The following WDR33 variants were observed in gnomAD, a reference collection of about 807,000 sequenced individuals.
The protein encoded by WDR33 is WD repeat domain 33, also known as pre-mRNA 3' end processing protein WDR33.
In WDR33, 47 loss-of-function variants were observed where a neutral mutation model predicts 164.9. That is an observed-to-expected ratio of 0.29 (90% CI 0.23 to 0.36). The LOEUF is 0.36. Among genes scored for constraint, WDR33 ranks in the 10% least tolerant of loss-of-function variants. WDR33 has a pLI of 1.00. For synonymous variants in WDR33, 505 were observed against 589.0 expected, an observed-to-expected ratio of 0.86 and a Z score of 2.06; for missense variants, 1,137 against 1,754.1, an observed-to-expected ratio of 0.65 and a Z score of 6.28.
chr2:127,742,587 T>C (rs1573906219), intron 7 of WDR33, among the ~76,000 whole-genome samples: 2 of 138,656 alleles, frequency 1.4e-5, no homozygotes, highest in South Asian at 4.5e-4. Context: ...CTGGGCATGA[T>C]TGAAAAGTAA....
Position 127,738,526 on chromosome 2 carries a change from G to C in WDR33, c.725-11749C>G, listed in dbSNP as rs940126165. ...GTACAGTATGAAAAGTGGGAAATAA[G>C]AGTAGCTGTTGTTGAAGAAACTTGA... On this transcript the variant is annotated intron_variant, in intron 7 of 21. Coordinates refer to ENST00000322313, the MANE Select transcript of WDR33 (RefSeq NM_018383.5). The surrounding 1 kb of genome is among the most constrained non-coding windows in gnomAD (Gnocchi z 4.4). Among the ~76,000 whole-genome samples, 1 of 151,960 alleles carries C rather than the reference G, an allele frequency of 6.6e-6. No individual in the cohort carries two copies. Among genetic ancestry groups the C allele is most frequent in the African/African-American group, 2.4e-5 (1 of 41,354 alleles).
intron 1 of WDR33, among the ~76,000 whole-genome samples, chr2:127,807,011 AT>A (rs10716015): frequency 0.042 from 6,348 of 149,596 alleles, 311 homozygotes; most frequent in East Asian, 0.15. Context: ...CATGTTTGAA[AT>A]TTTTTTTTTT....
At chr2:127,781,108 C>G (rs2105460243) in intron 1 of WDR33, among the ~76,000 whole-genome samples, 1 of 152,264 alleles carries the variant, frequency 6.6e-6, no homozygotes, top group Middle Eastern at 3.4e-3. Context: ...AAGTGATCCA[C>G]CTGCCGCAGC....
chr2:127,760,334 A>G (rs1001173129), intron 7 of WDR33, among the ~76,000 whole-genome samples: 4 of 152,242 alleles, frequency 2.6e-5, no homozygotes, highest in African/African-American at 7.2e-5. Context: ...GAGTATGCTT[A>G]TCTACCTGAT....
intron 1 of WDR33, among the ~76,000 whole-genome samples, chr2:127,778,447 AAAAAAAG>A (rs1464178103): frequency 5.3e-5 from 8 of 151,494 alleles, no homozygotes; most frequent in Non-Finnish European, 1.0e-4. Flanking sequence ...AAGAAAAAAA[AAAAAAAG>A]AAAAAAGAAA....
chr2:127,751,082 A>C (rs1156919856), intron 7 of WDR33, among the ~76,000 whole-genome samples: 1 of 151,890 alleles, frequency 6.6e-6, no homozygotes, highest in Non-Finnish European at 1.5e-5. Flanking sequence ...GATTGATGGC[A>C]AGGCACGGTG....
intron 7 of WDR33, among the ~76,000 whole-genome samples, chr2:127,742,522 CAA>C (rs66766896): frequency 1.2e-3 from 96 of 79,190 alleles, no homozygotes; most frequent in Admixed American, 2.6e-3. Context: ...GACCCTGTCT[CAA>C]AAAAAAAAAA....
rs1686307993 is a variant in WDR33 at position 127,716,590 on chromosome 2, C to T, written c.2869+565G>A. On this transcript the variant is annotated intron_variant, in intron 17 of 21. Coordinates refer to ENST00000322313, the MANE Select transcript of WDR33 (RefSeq NM_018383.5). This position sits in a 1 kb window ranked among gnomAD's most constrained non-coding sequence, Gnocchi z 4.5. Reference sequence around the variant, plus strand: ...GTGCCCTGCGTGCTCTCCTTCAACCCTTAGGATTAACTCTAAACTTCCAAA... The same window carrying T: ...GTGCCCTGCGTGCTCTCCTTCAACCTTTAGGATTAACTCTAAACTTCCAAA... Among the ~76,000 whole-genome samples the T allele has an allele frequency of 6.6e-6, 1 of 152,238 alleles. No individual in the cohort carries two copies. The highest frequency in any genetic ancestry group is 1.5e-5 in the Non-Finnish European group (1 of 68,042).
In WDR33 at chr2:127,718,003, T is replaced by C. The variant is rs1686337905; in HGVS notation, c.2761-740A>G. On this transcript the variant is annotated intron_variant, in intron 16 of 21. Transcript: ENST00000322313. This position sits in a 1 kb window ranked among gnomAD's most constrained non-coding sequence, Gnocchi z 4.4. ...AACTGAGCAGTAAATTAATAAAATA[T>C]ATAATACTTCAAGTTTTAGGGCAAT... Among the ~76,000 whole-genome samples the C allele has an allele frequency of 6.6e-6, 1 of 152,078 alleles. No homozygotes were observed. Among genetic ancestry groups the C allele is most frequent in the Non-Finnish European group, 1.5e-5 (1 of 68,022 alleles).
In WDR33 at chr2:127,714,941, T is replaced by A. The variant is rs1158917130; in HGVS notation, c.2870-920A>T. Among the ~76,000 whole-genome samples the A allele has an allele frequency of 6.6e-6, 1 of 152,160 alleles. No homozygotes were observed. The highest frequency in any genetic ancestry group is 1.5e-5 in the Non-Finnish European group (1 of 68,026). On this transcript the variant is annotated intron_variant, in intron 17 of 21. Coordinates refer to ENST00000322313, the MANE Select transcript of WDR33 (RefSeq NM_018383.5). The surrounding 1 kb of genome is among the most constrained non-coding windows in gnomAD (Gnocchi z 4.3). Reference sequence around the variant, plus strand: ...GATTCTAAAAACAAAAACTGTGTTTTTAAAGTGAAATTCCTCCAATAGCCC... The same window carrying A: ...GATTCTAAAAACAAAAACTGTGTTTATAAAGTGAAATTCCTCCAATAGCCC...
intron 7 of WDR33, among the ~76,000 whole-genome samples, chr2:127,747,319 C>T (rs892127143): frequency 1.8e-4 from 27 of 151,810 alleles, no homozygotes; most frequent in African/African-American, 6.3e-4. Flanking sequence ...TGTTTAAAAC[C>T]TAAAATGAAC....
intron 1 of WDR33, among the ~76,000 whole-genome samples, chr2:127,805,273 G>C (rs1331469267): frequency 6.6e-6 from 1 of 151,110 alleles, no homozygotes; most frequent in Non-Finnish European, 1.5e-5. Flanking sequence ...ATAGAGACAG[G>C]GTTTTGCCAA....
intron 1 of WDR33, among the ~76,000 whole-genome samples, chr2:127,784,995 C>T (rs1293005041): frequency 6.6e-6 from 1 of 152,154 alleles, no homozygotes; most frequent in African/African-American, 2.4e-5. Flanking sequence ...TCACTGACAA[C>T]AAGCTTTCCA....
intron 7 of WDR33, among the ~76,000 whole-genome samples, chr2:127,748,413 G>GA (rs1213977770): frequency 1.3e-5 from 2 of 152,208 alleles, no homozygotes; most frequent in East Asian, 3.8e-4. Context: ...TCTAGGCTTA[G>GA]AAAATGACTC....
intron 7 of WDR33, among the ~76,000 whole-genome samples, chr2:127,731,998 G>A (rs1686719502): frequency 6.6e-6 from 1 of 152,054 alleles, no homozygotes; most frequent in Admixed American, 6.6e-5. Context: ...TGATGTGGGA[G>A]GACTGCTTGA....
At chr2:127,772,219 C>T (rs540210897) in intron 1 of WDR33, among the ~76,000 whole-genome samples, 26 of 152,104 alleles carry the variant, frequency 1.7e-4, no homozygotes, top group African/African-American at 5.8e-4. Flanking sequence ...GGCGGATCAC[C>T]GGAGGTCAGG....
In WDR33 at chr2:127,701,854, C is replaced by A; in HGVS notation, c.*4469G>T. On this transcript the variant is annotated 3_prime_UTR_variant, in exon 22 of 22. Coordinates refer to ENST00000322313, the MANE Select transcript of WDR33 (RefSeq NM_018383.5). ...TTGCTGCTGCGCGCGCGCAAGTTCG[C>A]GCTGCTCTGGTCACTGGGCTCGGCG... is the stretch of plus-strand genomic sequence containing the variant. 1.4e-6 allele frequency: 2 copies of A among 1,461,332 alleles called. No individual in the cohort carries two copies. Among genetic ancestry groups the A allele is most frequent in the South Asian group, 1.3e-5 (1 of 77,948 alleles). 90.5% of individuals were successfully genotyped at this position (1,461,332 alleles called of 1,614,324 possible).
intron 1 of WDR33, among the ~76,000 whole-genome samples, chr2:127,774,407 T>A (rs1013624399): frequency 1.3e-5 from 2 of 152,166 alleles, no homozygotes; most frequent in Non-Finnish European, 2.9e-5. Flanking sequence ...TATATTAGAA[T>A]AAAATTATTC....
In WDR33 at chr2:127,726,525, C is replaced by A; in HGVS notation, c.851+126G>T. On this transcript the variant is annotated intron_variant, in intron 8 of 21. Transcript: ENST00000322313. This position sits in a 1 kb window ranked among gnomAD's most constrained non-coding sequence, Gnocchi z 4.8. ...TTTAATTCATAAGAAGTCTATAGAT[C>A]CAAGTCCATCTGTTGCCTAAATGAC... The A allele has an allele frequency of 7.9e-7, 1 of 1,272,042 alleles. No individual in the cohort carries two copies. Among genetic ancestry groups the A allele is most frequent in the Non-Finnish European group, 1.1e-6 (1 of 931,674 alleles). The allele number at this position is 1,272,042 out of a possible 1,614,324, so 78.8% of individuals were successfully genotyped here.
Sources: gnomAD v4.1 joint callset for allele counts (sites outside exome capture counted in the v4.1 genomes callset) on GRCh38, gnomAD v4.1.1 for gene constraint, Gnocchi (gnomAD v3.1) non-coding constraint, MANE v1.5 for transcripts, NCBI Gene and HGNC (gene_info 2026-07-23, HGNC 2026-07-21) for gene names.